Variants in AKAP13 observed in about 807,000 individuals in gnomAD.
AKAP13 encodes the protein A-kinase anchor protein 13.
In AKAP13, 80 loss-of-function variants were observed where a neutral mutation model predicts 264.5. The observed-to-expected ratio is 0.30, with a 90% CI of 0.25 to 0.36. The LOEUF (loss-of-function observed/expected upper bound fraction) is 0.36, where lower values mean the gene tolerates loss of function less well. AKAP13 is among the 10% of genes least tolerant of loss of function. The pLI is 1.00. For synonymous variants in AKAP13, 1,380 were observed against 1,250.2 expected (o/e 1.10, Z -2.19); for missense variants, 3,712 against 3,435.2 (o/e 1.08, Z -2.01).
chr15:85,406,340 T>C (rs1210882509), intron 1 of AKAP13, among the ~76,000 whole-genome samples: 1 of 151,944 alleles, frequency 6.6e-6, no homozygotes, highest in Non-Finnish European at 1.5e-5. Flanking sequence ...TTTATGATTG[T>C]GGTTTCAAGT....
At chr15:85,490,289 T>G (rs755847709) in intron 2 of AKAP13, among the ~76,000 whole-genome samples, 4 of 152,152 alleles carry the variant, frequency 2.6e-5, no homozygotes, top group Non-Finnish European at 5.9e-5. Context: ...GATTGAGAAC[T>G]TGAGTGTGAG....
chr15:85,431,815 T>C (rs1054128728), intron 1 of AKAP13, among the ~76,000 whole-genome samples: 1 of 152,230 alleles, frequency 6.6e-6, no homozygotes, highest in Non-Finnish European at 1.5e-5. Context: ...AAAAAATGAT[T>C]ACCAGATTCT....
Position 85,590,081 on chromosome 15 carries a change from C to T in AKAP13, c.4161+4258C>T, listed in dbSNP as rs527254626. ...GAGTGGCATTTGTGTAATATTTAAC[C>T]TGATCTTTCTGCCACATACCCCGTC... On this transcript the variant is annotated intron_variant, in intron 8 of 36. Coordinates refer to ENST00000394518, the MANE Select transcript of AKAP13 (RefSeq NM_007200.5). 7.6e-4 allele frequency among the ~76,000 whole-genome samples: 116 copies of T among 152,186 alleles called. 1 individual carries two copies. The highest frequency in any genetic ancestry group is 3.4e-3 in the Middle Eastern group (1 of 294).
Position 85,655,782 on chromosome 15 carries a change from C to G in AKAP13, c.4740C>G (p.His1580Gln), listed in dbSNP as rs1407505257. 1 of 1,603,424 alleles carries G rather than the reference C, an allele frequency of 6.2e-7. No individual in the cohort carries two copies. Among genetic ancestry groups the G allele is most frequent in the African/African-American group, 1.3e-5 (1 of 74,658 alleles). ...KNAASDAEMN[H>Q]RSSMRVLGDV... ...CAGCCAGCGATGCAGAAATGAACCA[C>G]CGGAGGTGAGATGGGAGGCGGTTTG... Residue 1580 changes from histidine to glutamine, a missense_variant, in exon 11 of 37, where the codon CAC (histidine) becomes CAG (glutamine). Physicochemically the swap from His to Gln is conservative, Grantham distance 24. This residue lies in a region of AKAP13 where 2,759 missense variants were observed against 2,411.7 expected (regional missense o/e 1.14). Transcript: ENST00000394518.
At chr15:85,459,352 A>ATTTTTT (rs557848037) in intron 1 of AKAP13, among the ~76,000 whole-genome samples, 1 of 130,672 alleles carries the variant, frequency 7.7e-6, no homozygotes, top group African/African-American at 2.8e-5. Flanking sequence ...CGCCCGGCTA[A>ATTTTTT]TTTTTTTTTT....
intron 14 of AKAP13, among the ~76,000 whole-genome samples, chr15:85,674,028 T>G (rs892596171): frequency 3.9e-5 from 6 of 151,994 alleles, no homozygotes; most frequent in African/African-American, 1.4e-4. Flanking sequence ...TTTAACCTTT[T>G]CATTGCTCCC....
chr15:85,711,618 A>G (rs554648745), intron 19 of AKAP13, among the ~76,000 whole-genome samples: 128 of 152,324 alleles, frequency 8.4e-4, no homozygotes, highest in African/African-American at 3.0e-3. Context: ...AAGTTCCCCT[A>G]GAGACAGAAT....
At chr15:85,640,135 C>G (rs1032277348) in intron 9 of AKAP13, among the ~76,000 whole-genome samples, 5 of 152,160 alleles carry the variant, frequency 3.3e-5, no homozygotes, top group Non-Finnish European at 4.4e-5. Context: ...AAGTATGTTC[C>G]CTAATGTCTG....
chr15:85,605,386 A>C (rs1308436789), intron 8 of AKAP13, among the ~76,000 whole-genome samples: 2 of 152,116 alleles, frequency 1.3e-5, no homozygotes, highest in South Asian at 4.1e-4. Flanking sequence ...AAAACCAAAC[A>C]CTGCATGTTC....
intron 3 of AKAP13, among the ~76,000 whole-genome samples, chr15:85,526,802 C>A (rs1277408935): frequency 6.6e-6 from 1 of 152,186 alleles, no homozygotes; most frequent in Non-Finnish European, 1.5e-5. Context: ...GAAATACTCT[C>A]AAGCTATCTC....
At chr15:85,617,236 T>G (rs781227036) in intron 8 of AKAP13, among the ~76,000 whole-genome samples, 1 of 138,904 alleles carries the variant, frequency 7.2e-6, no homozygotes, top group Non-Finnish European at 1.5e-5. Context: ...TTTTTGTTGT[T>G]GTTGTTGTTT....
chr15:85,459,469 G>T (rs758218969), intron 1 of AKAP13, among the ~76,000 whole-genome samples: 20 of 149,648 alleles, frequency 1.3e-4, no homozygotes, highest in Non-Finnish European at 1.9e-4. Context: ...AAAGTGATAG[G>T]ATTACAAGCC....
At chr15:85,399,369 G>A (rs544616713) in intron 1 of AKAP13, among the ~76,000 whole-genome samples, 5 of 148,852 alleles carry the variant, frequency 3.4e-5, no homozygotes, top group Admixed American at 6.7e-5. Flanking sequence ...GGTGGCGGGC[G>A]CCTGTAGTCC....
intron 8 of AKAP13, among the ~76,000 whole-genome samples, chr15:85,612,540 A>T (rs1214055080): frequency 1.3e-5 from 2 of 152,120 alleles, no homozygotes; most frequent in Non-Finnish European, 2.9e-5. Flanking sequence ...GTTTAAGTAG[A>T]TCAAGCGTGG....
chr15:85,552,650 C>T (rs1445239627), intron 5 of AKAP13, among the ~76,000 whole-genome samples: 2 of 104,128 alleles, frequency 1.9e-5, no homozygotes, highest in African/African-American at 3.8e-5. Context: ...TTTTTTGAGA[C>T]GGAGTCTCGT....
Position 85,543,826 on chromosome 15 carries a change from G to T in AKAP13, c.533G>T (p.Arg178Met), listed in dbSNP as rs1397935483. The part of the protein sequence containing the change: ...MHFAVRLGLL[R>M]LTWFLLQKPG... The stretch of plus-strand genomic sequence containing the variant: ...TTTGCTGTGCGGCTGGGACTGCTGA[G>T]GTTGACGTGGTTCCTGTTGCAGAAG... The change falls in exon 5 of 37, where the codon AGG (arginine) becomes ATG (methionine). Residue 178 changes from arginine to methionine, a missense_variant. By Grantham distance (91) the Arg-to-Met change is moderately conservative (BLOSUM62 -1). Coordinates refer to ENST00000394518, the MANE Select transcript of AKAP13 (RefSeq NM_007200.5). The T allele has an allele frequency of 6.2e-7, 1 of 1,614,118 alleles. No individual in the cohort carries two copies. The highest frequency in any genetic ancestry group is 8.5e-7 in the Non-Finnish European group (1 of 1,179,984).
intron 8 of AKAP13, among the ~76,000 whole-genome samples, chr15:85,625,356 C>T (rs985704666): frequency 5.9e-5 from 9 of 152,098 alleles, no homozygotes; most frequent in Non-Finnish European, 5.9e-5. Flanking sequence ...TTTCCTATCC[C>T]GTCTCCTAAT....
intron 8 of AKAP13, among the ~76,000 whole-genome samples, chr15:85,606,534 A>G (rs2080351250): frequency 6.6e-6 from 1 of 152,208 alleles, no homozygotes; most frequent in African/African-American, 2.4e-5. Context: ...TTGTTCCACG[A>G]GACTTGTACA....
intron 8 of AKAP13, among the ~76,000 whole-genome samples, chr15:85,604,003 T>C (rs906854538): frequency 6.6e-6 from 1 of 152,114 alleles, no homozygotes; most frequent in Non-Finnish European, 1.5e-5. Context: ...TGGCAGACAT[T>C]TATAATGTCT....
Sources: gnomAD v4.1 joint callset for allele counts (sites outside exome capture counted in the v4.1 genomes callset) on GRCh38, gnomAD v4.1.1 for gene constraint, gnomAD v4.1.1 regional missense constraint, MANE v1.5 for transcripts, NCBI Gene and HGNC (gene_info 2026-07-23, HGNC 2026-07-21) for gene names.